Variants in VWA3A observed in about 807,000 individuals in gnomAD.
VWA3A encodes the protein von Willebrand factor A domain-containing protein 3A.
A neutral mutation model predicts 160.4 loss-of-function variants in VWA3A; 134 were observed. That is an observed-to-expected ratio of 0.84 (90% CI 0.73 to 0.96). VWA3A has a LOEUF of 0.96. Among genes scored for constraint, VWA3A ranks in the 40% least tolerant of loss-of-function variants. The pLI, the probability that VWA3A is intolerant of heterozygous loss-of-function variation, is 0.00. For synonymous variants in VWA3A, 476 were observed against 543.4 expected, an observed-to-expected ratio of 0.88 and a Z score of 1.72; for missense variants, 1,310 against 1,447.9, an observed-to-expected ratio of 0.90 and a Z score of 1.55.
At chr16:22,154,036 G>C (rs941267957) in intron 31 of VWA3A, among the ~76,000 whole-genome samples, 3 of 152,102 alleles carry the variant, frequency 2.0e-5, no homozygotes, top group Non-Finnish European at 4.4e-5. Flanking sequence ...GTCAGGCTCG[G>C]CTGGCATAAT....
At chr16:22,115,228 A>G in intron 8 of VWA3A, 119 bp from the exon 9 acceptor site, 1 of 1,177,382 alleles carries the variant, frequency 8.5e-7, no homozygotes, top group Non-Finnish European at 1.1e-6. Context: ...GTGAGCTATG[A>G]TTGCACCACT....
intron 17 of VWA3A, among the ~76,000 whole-genome samples, chr16:22,127,118 GTTTGTTTTTGGT>G (rs1262088272): frequency 6.7e-6 from 1 of 149,902 alleles, no homozygotes; most frequent in Admixed American, 6.6e-5. Context: ...TATATATATA[GTTTGTTTTTGGT>G]TTTGTTTTTG....
Position 22,126,205 on chromosome 16 carries a change from G to C in VWA3A, c.1560G>C (p.Ala520=), listed in dbSNP as rs772703322. 13 of 1,613,730 alleles carry C rather than the reference G, an allele frequency of 8.1e-6. No homozygotes were observed. In the Admixed American group the frequency reaches 2.2e-4, roughly 27 times the overall value. Residue 520 remains alanine (A), a synonymous_variant, in exon 17 of 34, where the codon GCG becomes GCC. Transcript: ENST00000389398. ...TGGTTGTACTGCTCGATATCTCTGC[G>C]ACCAATTCCATGTACATTATTCATA... ...KRVVVLLDIS[A]TNSMYIIHIQ... is the part of the protein sequence containing the mutation.
chr16:22,131,458 T>C (rs2045946537), intron 18 of VWA3A, 127 bp from the exon 19 acceptor site: 1 of 1,490,470 alleles, frequency 6.7e-7, no homozygotes, highest in Admixed American at 2.2e-5. Context: ...CTGGCCATCT[T>C]CACTTTATGA....
chr16:22,099,136 CA>C (rs2045369819), intron 3 of VWA3A, among the ~76,000 whole-genome samples: 1 of 151,614 alleles, frequency 6.6e-6, no homozygotes, highest in Non-Finnish European at 1.5e-5. Flanking sequence ...TGTTTCCAAC[CA>C]GGGGGAGGGT....
chr16:22,131,442 C>T, intron 18 of VWA3A, 143 bp from the exon 19 acceptor site: 1 of 1,446,666 alleles, frequency 6.9e-7, no homozygotes, highest in Non-Finnish European at 9.4e-7. Flanking sequence ...CTGCTGCTCT[C>T]CCCACCTGGC....
intron 6 of VWA3A, among the ~76,000 whole-genome samples, chr16:22,106,183 G>A (rs1489788956): frequency 1.3e-5 from 2 of 152,056 alleles, no homozygotes; most frequent in Non-Finnish European, 2.9e-5. Flanking sequence ...TCAGTAGTTT[G>A]AGACCAGCCT....
At chr16:22,112,281 C>T (rs1466211652) in intron 8 of VWA3A, among the ~76,000 whole-genome samples, 1 of 152,264 alleles carries the variant, frequency 6.6e-6, no homozygotes, top group Admixed American at 6.5e-5. Context: ...AGGTACTTTG[C>T]ATAGATGATT....
At chr16:22,129,402 AAAAGAAAG>A (rs1555458652) in intron 17 of VWA3A, among the ~76,000 whole-genome samples, 18 of 118,982 alleles carry the variant, frequency 1.5e-4, no homozygotes, top group South Asian at 3.1e-4. Context: ...AAAAAAAAAA[AAAAGAAAG>A]AAAGAAAGAA....
In VWA3A at chr16:22,148,306, G is replaced by C; in HGVS notation, c.2984G>C (p.Ser995Thr). ...GAACAGCTGCGGAAGTGCTGTGACA[G>C]GTAGGAGGCGAGGGCTGATCAGGAA... ...IWEQLRKCCD[S>T]FNLLSFAESF... The change falls in exon 28 of 34, where the codon AGT becomes ACT. Residue 995 changes from serine to threonine, a missense_variant and splice_region_variant. Transcript: ENST00000389398. 6.3e-7 allele frequency: 1 copy of C among 1,592,304 alleles called. No individual in the cohort carries two copies. Among genetic ancestry groups the C allele is most frequent in the Non-Finnish European group, 8.5e-7 (1 of 1,169,744 alleles).
chr16:22,116,915 G>A (rs1048601462), intron 10 of VWA3A, 48 bp downstream of exon 10: 1 of 1,574,722 alleles, frequency 6.4e-7, no homozygotes, highest in Non-Finnish European at 8.7e-7. Context: ...TGGTGGTAGT[G>A]AGCTGGGCTG....
intron 21 of VWA3A, among the ~76,000 whole-genome samples, chr16:22,136,326 TAGAA>T (rs2046039492): frequency 6.6e-6 from 1 of 151,906 alleles, no homozygotes. Flanking sequence ...GACCAAGATG[TAGAA>T]AACAGGAGGA....
Position 22,123,088 on chromosome 16 carries a change from G to A in VWA3A, c.1360G>A (p.Ala454Thr), listed in dbSNP as rs768783324. Residue 454 changes from alanine (A) to threonine (T), a missense_variant, in exon 15 of 34, where the codon GCA becomes ACA. Ala to Thr is a moderately conservative substitution (Grantham distance 58). Coordinates refer to ENST00000389398, the MANE Select transcript of VWA3A (RefSeq NM_173615.5). ...KTVSSTIHEK[A>T]MIQFEWHDGT... ...TCCTGCCCATGCCTGAGTATAGAAGGCAATGATACAATTTGAATGGCACGA... is the reference window on the plus strand; with the variant it reads ...TCCTGCCCATGCCTGAGTATAGAAGACAATGATACAATTTGAATGGCACGA... 3.1e-6 allele frequency: 5 copies of A among 1,600,260 alleles called. No individual in the cohort carries two copies. Among genetic ancestry groups the A allele is most frequent in the Non-Finnish European group, 3.4e-6 (4 of 1,173,138 alleles).
chr16:22,155,021 G>T (rs1016986096), intron 31 of VWA3A, among the ~76,000 whole-genome samples: 1 of 139,420 alleles, frequency 7.2e-6, no homozygotes, highest in Non-Finnish European at 1.5e-5. Context: ...AGGTGTGGTG[G>T]CACATGCCTG....
rs774604397 is a variant in VWA3A at position 22,140,785 on chromosome 16, T to C, written c.2383+541T>C. On this transcript the variant is annotated intron_variant, in intron 23 of 33. Transcript: ENST00000389398. ...GCCACCACGCCTGGCTAACTTTTTG[T>C]ATTTTTAGTAGAGACGGGGTTTCAC... 5.3e-5 allele frequency among the ~76,000 whole-genome samples: 8 copies of C among 151,646 alleles called. No homozygotes were observed. The East Asian group carries it at 7.8e-4, about 15-fold the overall frequency.
Position 22,123,650 on chromosome 16 carries a change from G to A in VWA3A, c.1475G>A (p.Arg492Gln), listed in dbSNP as rs201654615. The A allele has an allele frequency of 1.3e-4, 211 of 1,613,944 alleles. No individual in the cohort carries two copies. Among genetic ancestry groups the A allele is most frequent in the Middle Eastern group, 3.3e-4 (2 of 6,060 alleles). Residue 492 changes from arginine (R) to glutamine (Q), a missense_variant, in exon 16 of 34, where the codon CGG becomes CAG. Coordinates refer to ENST00000389398, the MANE Select transcript of VWA3A (RefSeq NM_173615.5). ...AGAGCTATGCGGATGTATGAGAGGC[G>A]GATTGAGTGGCTCTCCCTGGCCAGC... ...LSRAMRMYER[R>Q]IEWLSLASRR...
chr16:22,116,130 A>G (rs1229549743), intron 9 of VWA3A, among the ~76,000 whole-genome samples: 1 of 151,312 alleles, frequency 6.6e-6, no homozygotes, highest in African/African-American at 2.4e-5. Flanking sequence ...AAAGAAAGGA[A>G]GGAAAGAAAG....
At chr16:22,141,140 A>G in intron 23 of VWA3A, 1 of 456,298 alleles carries the variant, frequency 2.2e-6, no homozygotes, top group South Asian at 1.6e-5. Context: ...GGCCTTCACA[A>G]TCTTAATGAA....
At chr16:22,124,133 A>G (rs1348776347) in intron 16 of VWA3A, among the ~76,000 whole-genome samples, 1 of 138,716 alleles carries the variant, frequency 7.2e-6, no homozygotes, top group Non-Finnish European at 1.5e-5. Context: ...GTGGGCTATG[A>G]TCGTGCCACT....
Sources: gnomAD v4.1 joint callset for allele counts (sites outside exome capture counted in the v4.1 genomes callset) on GRCh38, gnomAD v4.1.1 for gene constraint, MANE v1.5 for transcripts, NCBI Gene and HGNC (gene_info 2026-07-23, HGNC 2026-07-21) for gene names.